The following GCNT2 variants were observed in gnomAD, a reference collection of about 807,000 sequenced individuals.
GCNT2 encodes the protein N-acetyllactosaminide beta-1,6-N-acetylglucosaminyl-transferase.
In GCNT2, 34 loss-of-function variants were observed where a neutral mutation model predicts 34.2. The ratio of observed to expected loss-of-function variants is 1.00; its 90% CI spans 0.76 to 1.32. The LOEUF (loss-of-function observed/expected upper bound fraction) is 1.32. Among genes scored for constraint, GCNT2 ranks in the 40% most tolerant of loss-of-function variants. The pLI, the probability that GCNT2 is intolerant of heterozygous loss-of-function variation, is 0.00. For synonymous variants in GCNT2, 212 were observed against 188.0 expected, an observed-to-expected ratio of 1.13 and a Z score of -1.04; for missense variants, 584 against 489.4, an observed-to-expected ratio of 1.19 and a Z score of -1.82.
rs951500558 is a variant in GCNT2 at position 10,578,682 on chromosome 6, G to A, written c.926-42669G>A. ...AGGATGGTCTCAATCTCCTGACCTC[G>A]TGATCCGCCTGCCTTGGCCTCCCAA... On this transcript the variant is annotated intron_variant, in intron 3 of 4. Transcript: ENST00000495262. Among the ~76,000 whole-genome samples the A allele has an allele frequency of 4.6e-5, 7 of 152,116 alleles. No homozygotes were observed. In the East Asian group the frequency reaches 5.9e-4, roughly 13 times the overall value.
At chr6:10,585,962 A>T in intron 3 of GCNT2, 1 of 1,612,762 alleles carries the variant, frequency 6.2e-7, no homozygotes, top group Non-Finnish European at 8.5e-7. Flanking sequence ...TGAAAAGAAG[A>T]GATTGTTTCC....
At chr6:10,597,634 CT>C (rs1186414108) in intron 3 of GCNT2, among the ~76,000 whole-genome samples, 1 of 149,790 alleles carries the variant, frequency 6.7e-6, no homozygotes, top group African/African-American at 2.5e-5. Flanking sequence ...TGTTGTTTTG[CT>C]TTTTTTGTTA....
chr6:10,587,146 A>G (rs1764390933), intron 3 of GCNT2, among the ~76,000 whole-genome samples: 1 of 152,258 alleles, frequency 6.6e-6, no homozygotes, highest in Non-Finnish European at 1.5e-5. Flanking sequence ...CTTTGATTAC[A>G]TAGTTGCTGA....
chr6:10,548,068 G>A (rs1762342230), intron 3 of GCNT2, among the ~76,000 whole-genome samples: 1 of 152,070 alleles, frequency 6.6e-6, no homozygotes, highest in African/African-American at 2.4e-5. Flanking sequence ...TTTCCAAGAA[G>A]GAAGCCCTGG....
At chr6:10,575,557 G>A (rs933138470) in intron 3 of GCNT2, among the ~76,000 whole-genome samples, 2 of 151,956 alleles carry the variant, frequency 1.3e-5, no homozygotes, top group Admixed American at 6.6e-5. Context: ...GGAGATGGGT[G>A]TCAGGCCTCT....
At chr6:10,593,754 C>G (rs1360939625) in intron 3 of GCNT2, among the ~76,000 whole-genome samples, 1 of 152,152 alleles carries the variant, frequency 6.6e-6, no homozygotes, top group Non-Finnish European at 1.5e-5. Context: ...GTCCATAGTA[C>G]AATGATCAAT....
chr6:10,619,389 G>A (rs1480117517), intron 3 of GCNT2: 1 of 152,068 alleles, frequency 6.6e-6, no homozygotes, highest in African/African-American at 2.4e-5. Flanking sequence ...TTTCTGTGTT[G>A]CCTAGGCTGG....
chr6:10,529,400 G>GA lies in GCNT2; in HGVS notation c.490dup (p.Ile164AsnfsTer7). The GA allele has an allele frequency of 6.2e-7, 1 of 1,614,074 alleles. No homozygotes were observed. Among genetic ancestry groups the GA allele is most frequent in the Non-Finnish European group, 8.5e-7 (1 of 1,180,004 alleles). On this transcript the variant is annotated frameshift_variant, in exon 3 of 5. Coordinates refer to ENST00000495262, the MANE Select transcript of GCNT2 (RefSeq NM_145649.5). LOFTEE classifies it high-confidence loss of function. ...AGAAGGAGTCGGTTGTCTATGGGGG[G>GA]ATCTCCAGGCTCCAGGCTGACCTGA... is the stretch of plus-strand genomic sequence containing the variant.
At chr6:10,563,771 AAAAAAAATAT>A (rs1406397548) in intron 3 of GCNT2, among the ~76,000 whole-genome samples, 674 of 65,162 alleles carry the variant, frequency 0.01, 1 homozygote, top group South Asian at 0.015. Flanking sequence ...AAAAAAAAAA[AAAAAAAATAT>A]ATATATATAT....
Position 10,586,185 on chromosome 6 carries a change from C to T in GCNT2, c.926-35166C>T, listed in dbSNP as rs1764334700. 5.6e-6 allele frequency: 9 copies of T among 1,614,144 alleles called. 1 individual carries two copies. The East Asian group carries it at 2.0e-4, about 36-fold the overall frequency. On this transcript the variant is annotated intron_variant, in intron 3 of 4. Coordinates refer to ENST00000495262, the MANE Select transcript of GCNT2 (RefSeq NM_145649.5). ...AGTCTTTTTGTGGGAAAATATATTA[C>T]CATCACCTTTGCGAAGTGTCCCTTG...
intron 3 of GCNT2, among the ~76,000 whole-genome samples, chr6:10,555,226 C>CA (rs1454880404): frequency 6.6e-6 from 1 of 152,080 alleles, no homozygotes; most frequent in Non-Finnish European, 1.5e-5. Flanking sequence ...TTTTGCAAGC[C>CA]ATTTTAAGAG....
chr6:10,585,917 A>C lies in GCNT2; in HGVS notation c.926-35434A>C, dbSNP rs886569613. The C allele has an allele frequency of 1.1e-5, 17 of 1,597,514 alleles. No individual in the cohort carries two copies. In the African/African-American group the frequency reaches 2.2e-4, roughly 20 times the overall value. ...AAATTCAAGACTGGCAAGAGAAGCA[A>C]ATTCAACCTCTCACACCGATCATTT... On this transcript the variant is annotated intron_variant, in intron 3 of 4. Transcript: ENST00000495262.
At chr6:10,579,661 CA>C (rs1366916606) in intron 3 of GCNT2, among the ~76,000 whole-genome samples, 1 of 151,752 alleles carries the variant, frequency 6.6e-6, no homozygotes, top group East Asian at 1.9e-4. Context: ...ACTAAAAATA[CA>C]AAAATCAGCT....
chr6:10,586,878 G>A, intron 3 of GCNT2: 1 of 1,613,922 alleles, frequency 6.2e-7, no homozygotes, highest in Non-Finnish European at 8.5e-7. Flanking sequence ...CTATAGTCCT[G>A]ATGAGCATTT....
intron 3 of GCNT2, among the ~76,000 whole-genome samples, chr6:10,533,276 C>T (rs936101366): frequency 2.0e-5 from 3 of 151,522 alleles, no homozygotes; most frequent in African/African-American, 4.9e-5. Flanking sequence ...ACTGCACTCG[C>T]GTCTGGGCGA....
chr6:10,587,902 C>T (rs1018618047), intron 3 of GCNT2, among the ~76,000 whole-genome samples: 3 of 152,190 alleles, frequency 2.0e-5, no homozygotes, highest in Non-Finnish European at 4.4e-5. Context: ...CCTGTCTACA[C>T]ACACACACTG....
chr6:10,616,915 T>C (rs544385841), intron 3 of GCNT2, among the ~76,000 whole-genome samples: 32 of 152,344 alleles, frequency 2.1e-4, no homozygotes, highest in African/African-American at 7.7e-4. Context: ...GACAGAGTGC[T>C]GATTGGTGTA....
rs3064178 is a variant in GCNT2 at position 10,617,750 on chromosome 6, C to CTTTTTTTTTTT, written c.926-3589_926-3579dup. Among the ~76,000 whole-genome samples, 1,005 of 101,506 alleles carry CTTTTTTTTTTT rather than the reference C, an allele frequency of 9.9e-3. 110 individuals are homozygous for CTTTTTTTTTTT. The highest frequency in any genetic ancestry group is 0.047 in the African/African-American group (936 of 19,728). 66.6% of individuals were successfully genotyped at this position (101,506 alleles called of 152,430 possible). ...CACCTGGCCAGAGTCTGCATTTCTTCTTTTTTTTTTTTTTTTTTTTTTGAC... is the reference window on the plus strand; with the variant it reads ...CACCTGGCCAGAGTCTGCATTTCTTCTTTTTTTTTTTTTTTTTTTTTTTTTTTTTTTTTGAC... On this transcript the variant is annotated intron_variant, in intron 3 of 4. Transcript: ENST00000495262.
chr6:10,624,408 A>AT (rs980186225), intron 4 of GCNT2, among the ~76,000 whole-genome samples: 6 of 152,086 alleles, frequency 3.9e-5, no homozygotes, highest in African/African-American at 1.4e-4. Flanking sequence ...AAAAGAGGAA[A>AT]CCCCTTATAA....
Sources: gnomAD v4.1 joint callset for allele counts (sites outside exome capture counted in the v4.1 genomes callset) on GRCh38, gnomAD v4.1.1 for gene constraint, MANE v1.5 for transcripts, NCBI Gene and HGNC (gene_info 2026-07-23, HGNC 2026-07-21) for gene names.